Variants in TYW1B observed in about 807,000 individuals in gnomAD.
The protein encoded by TYW1B is S-adenosyl-L-methionine-dependent tRNA 4-demethylwyosine synthase TYW1B.
In TYW1B, 73 loss-of-function variants were observed where a neutral mutation model predicts 86.9. The observed-to-expected ratio is 0.84, with a 90% CI of 0.70 to 1.02. TYW1B has a LOEUF of 1.02. TYW1B is among the 50% of genes least tolerant of loss of function. The pLI is 0.00. For synonymous variants in TYW1B, 248 were observed against 292.8 expected, an observed-to-expected ratio of 0.85 and a Z score of 1.56; for missense variants, 637 against 827.4, an observed-to-expected ratio of 0.77 and a Z score of 2.82.
At chr7:72,793,875 T>C (rs1423127842) in intron 6 of TYW1B, among the ~76,000 whole-genome samples, 2 of 152,098 alleles carry the variant, frequency 1.3e-5, no homozygotes, top group Admixed American at 1.3e-4. Flanking sequence ...CTTTAAGTTC[T>C]CTCCACTCCC....
chr7:72,752,542 C>A (rs1787517668), intron 7 of TYW1B, among the ~76,000 whole-genome samples: 1 of 152,010 alleles, frequency 6.6e-6, no homozygotes, highest in South Asian at 2.1e-4. Flanking sequence ...ACCACTCTGG[C>A]CAACATGGTG....
At chr7:72,792,278 G>A (rs57412352) in intron 6 of TYW1B, among the ~76,000 whole-genome samples, 1 of 150,532 alleles carries the variant, frequency 6.6e-6, no homozygotes, top group East Asian at 2.0e-4. Flanking sequence ...AGTGGGCCGA[G>A]ATCACACTAC....
intron 7 of TYW1B, among the ~76,000 whole-genome samples, chr7:72,760,271 G>A (rs1200420746): frequency 6.6e-5 from 10 of 152,188 alleles, no homozygotes; most frequent in Non-Finnish European, 1.3e-4. Flanking sequence ...GCAGGGGTTG[G>A]GGGATGGTAT....
At position 72,632,388 on chromosome 7, in the gene TYW1B, GTA is replaced by G. The variant is rs565541864; in HGVS notation, c.1507-3393_1507-3392del. On this transcript the variant is annotated intron_variant, in intron 11 of 13. Transcript: ENST00000620995. ...ATACGCATATATATTATATATATACGTATATATATATAATATATATATACATA... is the reference window on the plus strand; with the variant it reads ...ATACGCATATATATTATATATATACGTATATATATAATATATATATACATA... Among the ~76,000 whole-genome samples, 616 of 70,290 alleles carry G rather than the reference GTA, an allele frequency of 8.8e-3. 17 individuals are homozygous for G. Among genetic ancestry groups the G allele is most frequent in the South Asian group, 0.031 (83 of 2,654 alleles). The allele number at this position is 70,290 out of a possible 152,430, so 46.1% of individuals were successfully genotyped here. A position where few individuals can be genotyped will look rare whatever the true frequency, so the allele number is the denominator to read the frequency against.
chr7:72,727,625 T>C (rs575729821), intron 9 of TYW1B, among the ~76,000 whole-genome samples: 4 of 151,964 alleles, frequency 2.6e-5, no homozygotes, highest in Non-Finnish European at 5.9e-5. Flanking sequence ...GAGACCAGCC[T>C]GGGCAACATG....
intron 11 of TYW1B, among the ~76,000 whole-genome samples, chr7:72,645,571 G>A (rs1369355727): frequency 1.3e-5 from 2 of 152,118 alleles, no homozygotes; most frequent in African/African-American, 4.8e-5. Flanking sequence ...ATAAATCGTG[G>A]CATACTCATA....
chr7:72,660,998 G>A (rs1179165265), intron 11 of TYW1B, among the ~76,000 whole-genome samples: 2 of 149,392 alleles, frequency 1.3e-5, no homozygotes, highest in East Asian at 1.9e-4. Context: ...AGCTAGGCGT[G>A]GTGGCACGCA....
intron 7 of TYW1B, among the ~76,000 whole-genome samples, chr7:72,751,459 T>C (rs781975434): frequency 2.6e-5 from 4 of 152,238 alleles, no homozygotes; most frequent in Non-Finnish European, 5.9e-5. Flanking sequence ...GAGATATCTT[T>C]ATTTCTCTTA....
intron 6 of TYW1B, among the ~76,000 whole-genome samples, chr7:72,792,186 G>A (rs1203060519): frequency 2.6e-5 from 4 of 151,972 alleles, no homozygotes; most frequent in Admixed American, 6.6e-5. Flanking sequence ...AACTAGTTGC[G>A]CATGGTGGCA....
intron 7 of TYW1B, among the ~76,000 whole-genome samples, chr7:72,760,677 T>TGA (rs1451634689): frequency 2.0e-5 from 3 of 152,196 alleles, no homozygotes; most frequent in African/African-American, 7.2e-5. Flanking sequence ...ATGTAAATCT[T>TGA]TAATCAATAA....
chr7:72,633,676 A>G (rs1174455345), intron 11 of TYW1B, among the ~76,000 whole-genome samples: 2 of 151,896 alleles, frequency 1.3e-5, no homozygotes, highest in Non-Finnish European at 2.9e-5. Flanking sequence ...ATCATACATT[A>G]TTTTGTGTTT....
At chr7:72,808,832 C>A (rs1788544396) in intron 4 of TYW1B, among the ~76,000 whole-genome samples, 1 of 151,770 alleles carries the variant, frequency 6.6e-6, no homozygotes, top group African/African-American at 2.4e-5. Flanking sequence ...CGGCCGTAAA[C>A]AGCTTTTAAA....
intron 9 of TYW1B, among the ~76,000 whole-genome samples, chr7:72,718,398 A>C (rs1475240647): frequency 2.6e-5 from 4 of 152,196 alleles, no homozygotes; most frequent in African/African-American, 7.2e-5. Flanking sequence ...GTATGCAAGA[A>C]GCCTAATTCC....
intron 6 of TYW1B, among the ~76,000 whole-genome samples, chr7:72,780,887 ATT>A (rs1326964735): frequency 1.7e-4 from 26 of 152,094 alleles, no homozygotes; most frequent in African/African-American, 5.8e-4. Flanking sequence ...AGGTGTAGAC[ATT>A]GTTTACTCTC....
intron 10 of TYW1B, 99 bp from the exon 11 acceptor site, chr7:72,694,921 C>T: frequency 7.3e-7 from 1 of 1,372,608 alleles, no homozygotes; most frequent in Non-Finnish European, 9.7e-7. Context: ...TTAAACACTT[C>T]ACAGGGTCTA....
intron 13 of TYW1B, among the ~76,000 whole-genome samples, chr7:72,611,774 G>A (rs1181723642): frequency 6.6e-6 from 1 of 152,090 alleles, no homozygotes; most frequent in Non-Finnish European, 1.5e-5. Flanking sequence ...ACATTATAGA[G>A]AATAATGAGG....
intron 11 of TYW1B, among the ~76,000 whole-genome samples, chr7:72,639,530 T>C (rs573829612): frequency 9.9e-4 from 150 of 151,660 alleles, no homozygotes; most frequent in African/African-American, 2.5e-3. Flanking sequence ...AAGAGAAAAT[T>C]TGTGGTTAAA....
chr7:72,786,617 C>CCAGGCT, intron 6 of TYW1B, among the ~76,000 whole-genome samples: 1 of 146,420 alleles, frequency 6.8e-6, no homozygotes, highest in South Asian at 2.2e-4. Flanking sequence ...GCTCTGTCAC[C>CCAGGCT]CAGGCTGGAG....
chr7:72,811,121 A>C (rs373987282), intron 3 of TYW1B, among the ~76,000 whole-genome samples: 1 of 151,858 alleles, frequency 6.6e-6, no homozygotes, highest in East Asian at 1.9e-4. Context: ...AATACAAAAA[A>C]TTAGACAGGC....
Sources: allele counts gnomAD v4.1 joint callset (sites outside exome capture counted in the v4.1 genomes callset), GRCh38; gene constraint gnomAD v4.1.1; transcripts MANE v1.5; gene names NCBI Gene and HGNC (gene_info 2026-07-23, HGNC 2026-07-21).